Variants in SNTB2 observed in about 807,000 individuals in gnomAD.
The protein encoded by SNTB2 is beta-2-syntrophin.
SNTB2 carries 34 observed loss-of-function variants against 46.2 expected under a neutral mutation model. The observed-to-expected ratio is 0.74, with a 90% confidence interval of 0.56 to 0.98. The LOEUF is 0.98. Ranked by LOEUF, SNTB2 falls within the 50% of genes least tolerant of loss-of-function variation. SNTB2 has a pLI of 0.00. For synonymous variants in SNTB2, 290 were observed against 312.6 expected, an observed-to-expected ratio of 0.93 and a Z score of 0.76; for missense variants, 603 against 731.4, an observed-to-expected ratio of 0.82 and a Z score of 2.02.
At chr16:69,198,200 G>A (rs892551208) in intron 1 of SNTB2, among the ~76,000 whole-genome samples, 3 of 148,264 alleles carry the variant, frequency 2.0e-5, no homozygotes, top group African/African-American at 5.0e-5. Flanking sequence ...CCTCCACCTC[G>A]CGGGTTCAAG....
At chr16:69,191,785 C>T (rs948049972) in intron 1 of SNTB2, among the ~76,000 whole-genome samples, 1 of 151,806 alleles carries the variant, frequency 6.6e-6, no homozygotes, top group African/African-American at 2.4e-5. Context: ...GGACTACAGG[C>T]GCCCGCCACC....
At chr16:69,259,603 T>C (rs1443204151) in intron 2 of SNTB2, among the ~76,000 whole-genome samples, 1 of 117,420 alleles carries the variant, frequency 8.5e-6, no homozygotes, top group Non-Finnish European at 1.8e-5. Flanking sequence ...AGAAAGTATC[T>C]TTTTTTTTTT....
At chr16:69,204,171 C>T (rs1597171042) in intron 1 of SNTB2, among the ~76,000 whole-genome samples, 1 of 152,136 alleles carries the variant, frequency 6.6e-6, no homozygotes, top group African/African-American at 2.4e-5. Flanking sequence ...GGATTACAGG[C>T]GTGAGCTACT....
chr16:69,240,303 C>T lies in SNTB2; in HGVS notation c.581-5299C>T, dbSNP rs571208102. 2.6e-5 allele frequency among the ~76,000 whole-genome samples: 4 copies of T among 152,334 alleles called. No individual in the cohort carries two copies. The South Asian group carries it at 8.3e-4, about 32-fold the overall frequency. Reference sequence around the variant, plus strand: ...AAGAGTGAAAGAGTCACTCTGAACTCATTCAAGGTTCATGTCACCAGACTC... The same window carrying T: ...AAGAGTGAAAGAGTCACTCTGAACTTATTCAAGGTTCATGTCACCAGACTC... On this transcript the variant is annotated intron_variant, in intron 1 of 6. Coordinates refer to ENST00000336278, the MANE Select transcript of SNTB2 (RefSeq NM_006750.4).
chr16:69,199,449 G>T (rs1597169260), intron 1 of SNTB2, among the ~76,000 whole-genome samples: 2 of 151,916 alleles, frequency 1.3e-5, no homozygotes, highest in African/African-American at 4.8e-5. Context: ...AGCGATGTTG[G>T]CCTGGCGCAG....
chr16:69,285,973 A>AGT (rs1394082836), intron 5 of SNTB2, among the ~76,000 whole-genome samples: 1 of 152,048 alleles, frequency 6.6e-6, no homozygotes, highest in Non-Finnish European at 1.5e-5. Context: ...TTGTATTTTT[A>AGT]GTAGAGACAG....
intron 1 of SNTB2, among the ~76,000 whole-genome samples, chr16:69,214,843 A>G (rs1379526791): frequency 6.7e-6 from 1 of 149,816 alleles, no homozygotes; most frequent in Non-Finnish European, 1.5e-5. Flanking sequence ...TTATCTTAAT[A>G]TTAATTTAAT....
Position 69,281,506 on chromosome 16 carries a change from T to G in SNTB2, c.1149-2542T>G, listed in dbSNP as rs900559491. 3.1e-4 allele frequency among the ~76,000 whole-genome samples: 46 copies of G among 150,564 alleles called. 2 individuals carry two copies. Among genetic ancestry groups the G allele is most frequent in the Non-Finnish European group, 1.9e-4 (13 of 67,286 alleles). ...TCTGGTTTTTTTTTTTTTGTTTTTTTTTTTTTACATATGGATGTCTACTTA... is the reference window on the plus strand; with the variant it reads ...TCTGGTTTTTTTTTTTTTGTTTTTTGTTTTTTACATATGGATGTCTACTTA... On this transcript the variant is annotated intron_variant, in intron 4 of 6. Transcript: ENST00000336278.
intron 2 of SNTB2, among the ~76,000 whole-genome samples, chr16:69,247,784 A>G (rs1258169940): frequency 1.9e-4 from 29 of 152,222 alleles, no homozygotes; most frequent in Non-Finnish European, 1.5e-5. Flanking sequence ...CACAGAGCCA[A>G]GCACATATAG....
At chr16:69,200,991 C>T (rs1034249766) in intron 1 of SNTB2, among the ~76,000 whole-genome samples, 2 of 152,170 alleles carry the variant, frequency 1.3e-5, no homozygotes, top group Non-Finnish European at 2.9e-5. Flanking sequence ...GCAGCCAATT[C>T]GTTTATATGT....
chr16:69,189,533 T>A (rs2152287992), intron 1 of SNTB2, among the ~76,000 whole-genome samples: 1 of 152,228 alleles, frequency 6.6e-6, no homozygotes, highest in South Asian at 2.1e-4. Flanking sequence ...GGTGGGCAGA[T>A]CACCTGAGGT....
At chr16:69,264,577 C>T (rs1964867515) in intron 3 of SNTB2, among the ~76,000 whole-genome samples, 1 of 152,050 alleles carries the variant, frequency 6.6e-6, no homozygotes, top group South Asian at 2.1e-4. Context: ...GAAGAGCAGC[C>T]GAGTTCACCC....
intron 3 of SNTB2, among the ~76,000 whole-genome samples, chr16:69,264,485 A>G (rs1228061534): frequency 6.6e-6 from 1 of 152,216 alleles, no homozygotes; most frequent in Non-Finnish European, 1.5e-5. Flanking sequence ...TTTGGATAAA[A>G]TACTCTGCAC....
Position 69,305,298 on chromosome 16 carries a change from A to T in SNTB2, c.*4374A>T, listed in dbSNP as rs974286347. 1.3e-5 allele frequency: 2 copies of T among 152,584 alleles called. No individual in the cohort carries two copies. The highest frequency in any genetic ancestry group is 4.8e-5 in the African/African-American group (2 of 41,444). The allele number at this position is 152,584 out of a possible 1,614,324, so 9.5% of individuals were successfully genotyped here. ...TGAAACTTTCAGGGAAGACCTGTAG[A>T]CTCAAGCACTTTCTCTGCTTTTTTG... is the stretch of plus-strand genomic sequence containing the variant. On this transcript the variant is annotated 3_prime_UTR_variant, in exon 7 of 7. Coordinates refer to ENST00000336278, the MANE Select transcript of SNTB2 (RefSeq NM_006750.4).
At chr16:69,202,252 C>T (rs1006395982) in intron 1 of SNTB2, among the ~76,000 whole-genome samples, 1 of 152,132 alleles carries the variant, frequency 6.6e-6, no homozygotes, top group Non-Finnish European at 1.5e-5. Context: ...CATCTTAAGG[C>T]TTATAAAGAA....
chr16:69,301,125 A>G lies in SNTB2; in HGVS notation c.*201A>G. The G allele has an allele frequency of 2.2e-6, 1 of 461,056 alleles. No homozygotes were observed. Among genetic ancestry groups the G allele is most frequent in the South Asian group, 4.3e-5 (1 of 23,444 alleles). The allele number at this position is 461,056 out of a possible 1,614,324, so 28.6% of individuals were successfully genotyped here. A position where few individuals can be genotyped will look rare whatever the true frequency, so the allele number is the denominator to read the frequency against. On this transcript the variant is annotated 3_prime_UTR_variant, in exon 7 of 7. Transcript: ENST00000336278. ...CCTTGGCCAGATATTCTAGCACTCTAAAAGGCTCCAAAATGAAGCTGTTGA... is the reference window on the plus strand; with the variant it reads ...CCTTGGCCAGATATTCTAGCACTCTGAAAGGCTCCAAAATGAAGCTGTTGA...
chr16:69,187,257 C>T lies in SNTB2; in HGVS notation c.91C>T (p.Leu31Phe). The change falls in exon 1 of 7, where the codon CTC becomes TTC. Residue 31 changes from leucine (L) to phenylalanine (F), a missense_variant. Physicochemically the swap from Leu to Phe is conservative, Grantham distance 22. Coordinates refer to ENST00000336278, the MANE Select transcript of SNTB2 (RefSeq NM_006750.4). The stretch of plus-strand genomic sequence containing the variant: ...CACCAAAGCGGGGCTGGTGGAGCTG[C>T]TCCTGAGGGAGCGCTGGGTCCGAGT... ...RATKAGLVELLLRERWVRVVA... is the reference protein window; with the variant it reads ...RATKAGLVELFLRERWVRVVA... The T allele has an allele frequency of 6.7e-7, 1 of 1,487,918 alleles. No homozygotes were observed. The allele number at this position is 1,487,918 out of a possible 1,614,324, so 92.2% of individuals were successfully genotyped here.
At chr16:69,187,827 C>A in intron 1 of SNTB2, 81 bp downstream of exon 1, 2 of 1,080,838 alleles carry the variant, frequency 1.9e-6, no homozygotes, top group Non-Finnish European at 2.4e-6. Context: ...GCCCCGCCGG[C>A]GGGGCGAGCC....
rs1316349407 is a variant in SNTB2, at chr16:69,192,579, G to T, written c.580+4833G>T. 2.0e-5 allele frequency among the ~76,000 whole-genome samples: 3 copies of T among 152,138 alleles called. No individual in the cohort carries two copies. In the East Asian group the frequency reaches 5.8e-4, roughly 29 times the overall value. On this transcript the variant is annotated intron_variant, in intron 1 of 6. Transcript: ENST00000336278. Reference sequence around the variant, plus strand: ...ATGAGAACATATTCTTCCTTTAAAGGTTCTTTTTTCTAGATTAGAGAAAAG... The same window carrying T: ...ATGAGAACATATTCTTCCTTTAAAGTTTCTTTTTTCTAGATTAGAGAAAAG...
Sources: gnomAD v4.1 joint callset for allele counts (sites outside exome capture counted in the v4.1 genomes callset) on GRCh38, gnomAD v4.1.1 for gene constraint, MANE v1.5 for transcripts, NCBI Gene and HGNC (gene_info 2026-07-23, HGNC 2026-07-21) for gene names.